The following WASHC4 variants were observed in gnomAD, a reference collection of about 807,000 sequenced individuals.
WASHC4 encodes WASH complex subunit 4, also known as WASH complex subunit 7.
Under a neutral mutation model 166.6 loss-of-function variants are expected in WASHC4, and 86 were observed. The observed-to-expected ratio is 0.52, with a 90% CI of 0.43 to 0.62. WASHC4 has a LOEUF of 0.62. Among genes scored for constraint, WASHC4 ranks in the 20% least tolerant of loss-of-function variants. WASHC4 has a pLI of 0.00. For synonymous variants in WASHC4, 446 were observed against 451.6 expected, an observed-to-expected ratio of 0.99 and a Z score of 0.16; for missense variants, 1,262 against 1,382.4, an observed-to-expected ratio of 0.91 and a Z score of 1.38.
At chr12:105,163,577 C>G (rs1247284019) in intron 30 of WASHC4, among the ~76,000 whole-genome samples, 3 of 152,084 alleles carry the variant, frequency 2.0e-5, no homozygotes, top group African/African-American at 7.2e-5. Flanking sequence ...TCATGGTTCA[C>G]TGCAGCCTCG....
At chr12:105,158,917 T>G (rs1884327474) in intron 28 of WASHC4, among the ~76,000 whole-genome samples, 1 of 152,192 alleles carries the variant, frequency 6.6e-6, no homozygotes, top group Non-Finnish European at 1.5e-5. Flanking sequence ...ATACTATATT[T>G]TAACTTTTTG....
intron 24 of WASHC4, chr12:105,148,819 C>T (rs1332636789): frequency 5.1e-6 from 5 of 985,074 alleles, no homozygotes; most frequent in Non-Finnish European, 6.0e-6. Flanking sequence ...TAATCTTATG[C>T]TATTTCTGCC....
intron 25 of WASHC4, 76 bp downstream of exon 25, chr12:105,149,825 A>G: frequency 7.2e-7 from 1 of 1,390,676 alleles, no homozygotes; most frequent in Non-Finnish European, 9.8e-7. Context: ...AAAATTCATT[A>G]TTTAGATCTC....
intron 1 of WASHC4, among the ~76,000 whole-genome samples, chr12:105,109,004 C>A (rs146801529): frequency 3.4e-4 from 52 of 152,188 alleles, no homozygotes; most frequent in African/African-American, 1.1e-3. Context: ...GGCTTGGTGG[C>A]GAGCGCCTGT....
chr12:105,148,651 GT>G, intron 24 of WASHC4: 1 of 985,284 alleles, frequency 1.0e-6, no homozygotes, highest in Non-Finnish European at 1.2e-6. Context: ...AGAGTACAAT[GT>G]TTAAGCTACA....
intron 6 of WASHC4, among the ~76,000 whole-genome samples, chr12:105,116,014 A>T (rs1880144443): frequency 6.6e-6 from 1 of 152,172 alleles, no homozygotes; most frequent in Admixed American, 6.5e-5. Flanking sequence ...ACTGGAAAAG[A>T]TAAATTGTAT....
Position 105,164,436 on chromosome 12 carries a change from GA to G in WASHC4, c.3354+130del, listed in dbSNP as rs1884685434. ...CAAGTGAGATGAATAGTGGCAAAAA[GA>G]TTATATTTTAAAATGAGTGCTATTT... On this transcript the variant is annotated intron_variant, in intron 31 of 32. Transcript: ENST00000332180. 4.4e-6 allele frequency: 4 copies of G among 913,270 alleles called. No individual in the cohort carries two copies. The Admixed American group carries it at 8.4e-5, about 19-fold the overall frequency. The allele number at this position is 913,270 out of a possible 1,614,324, so 56.6% of individuals were successfully genotyped here.
Position 105,156,778 on chromosome 12 carries a change from C to T in WASHC4, c.2811C>T (p.Ser937=). ...TAAGATCTGGTGGTCTTCATTGTAGCAGCAATGCCATTAGGTATGGATGCA... is the reference window on the plus strand; with the variant it reads ...TAAGATCTGGTGGTCTTCATTGTAGTAGCAATGCCATTAGGTATGGATGCA... ...RMIRSGGLHC[S]SNAIRFVPDL... is the part of the protein sequence containing the mutation. Residue 937 remains serine (S), a synonymous_variant, in exon 27 of 33, where the codon AGC becomes AGT. Coordinates refer to ENST00000332180, the MANE Select transcript of WASHC4 (RefSeq NM_015275.3). 6.2e-7 allele frequency: 1 copy of T among 1,612,054 alleles called. No individual in the cohort carries two copies. Among genetic ancestry groups the T allele is most frequent in the Non-Finnish European group, 8.5e-7 (1 of 1,178,676 alleles).
At chr12:105,116,738 T>C (rs1438473513) in intron 6 of WASHC4, among the ~76,000 whole-genome samples, 2 of 152,194 alleles carry the variant, frequency 1.3e-5, no homozygotes, top group East Asian at 3.8e-4. Flanking sequence ...CAATAAAATG[T>C]ATTTAAATAA....
intron 4 of WASHC4, 49 bp from the exon 5 acceptor site, chr12:105,115,135 G>T: frequency 1.0e-6 from 1 of 982,626 alleles, no homozygotes; most frequent in Non-Finnish European, 1.6e-6. Context: ...ATAGGAATTT[G>T]GAAACAAAAC....
In WASHC4 at chr12:105,107,793, C is replaced by G; in HGVS notation, c.-8C>G. 6.5e-7 allele frequency: 1 copy of G among 1,550,064 alleles called. No individual in the cohort carries two copies. Among genetic ancestry groups the G allele is most frequent in the Non-Finnish European group, 8.7e-7 (1 of 1,145,822 alleles). On this transcript the variant is annotated 5_prime_UTR_variant, in exon 1 of 33. Transcript: ENST00000332180. ...GTTGGGGCTGTGTCTGTGGGAGGCG[C>G]CGGGGTGATGGCGGTGGAGACTCTG...
intron 16 of WASHC4, 135 bp downstream of exon 16, chr12:105,140,536 A>G (rs1432004575): frequency 1.4e-5 from 10 of 705,478 alleles, no homozygotes; most frequent in Middle Eastern, 3.3e-4. Flanking sequence ...ATTTATCTCC[A>G]TAGTATTTTA....
intron 6 of WASHC4, 33 bp downstream of exon 6, chr12:105,115,761 C>T: frequency 7.2e-7 from 1 of 1,394,182 alleles, no homozygotes; most frequent in Non-Finnish European, 1.0e-6. Context: ...TGAGCTTTTA[C>T]TTCAAAAAGT....
At chr12:105,120,629 G>T in intron 8 of WASHC4, 32 bp downstream of exon 8, 1 of 1,473,122 alleles carries the variant, frequency 6.8e-7, no homozygotes, top group Non-Finnish European at 9.5e-7. Context: ...CTGTAAAACT[G>T]TAATTATTAC....
chr12:105,162,923 T>A, intron 30 of WASHC4, 78 bp downstream of exon 30: 1 of 738,614 alleles, frequency 1.4e-6, no homozygotes, highest in Non-Finnish European at 2.3e-6. Flanking sequence ...TGCTTGAGAA[T>A]AGGTCTATAT....
intron 13 of WASHC4, among the ~76,000 whole-genome samples, chr12:105,132,460 C>T (rs1881923461): frequency 6.6e-6 from 1 of 152,228 alleles, no homozygotes; most frequent in South Asian, 2.1e-4. Flanking sequence ...GTGTGAGCCA[C>T]CATGCCCGGC....
chr12:105,108,171 G>T (rs1368832007), intron 1 of WASHC4, among the ~76,000 whole-genome samples: 1 of 152,158 alleles, frequency 6.6e-6, no homozygotes, highest in African/African-American at 2.4e-5. Flanking sequence ...GGGCGCGCCC[G>T]GGAGGCCCAG....
intron 25 of WASHC4, among the ~76,000 whole-genome samples, chr12:105,150,910 A>G (rs1025366510): frequency 6.6e-6 from 1 of 152,134 alleles, no homozygotes; most frequent in Non-Finnish European, 1.5e-5. Context: ...CTAACTCACT[A>G]TCATGAGAAC....
chr12:105,125,154 C>T (rs188711829), intron 10 of WASHC4, among the ~76,000 whole-genome samples: 20 of 152,102 alleles, frequency 1.3e-4, no homozygotes, highest in Admixed American at 2.0e-4. Flanking sequence ...AGTTTTTAAC[C>T]GATTGATCTC....
Sources: gnomAD v4.1 joint callset for allele counts (sites outside exome capture counted in the v4.1 genomes callset) on GRCh38, gnomAD v4.1.1 for gene constraint, MANE v1.5 for transcripts, NCBI Gene and HGNC (gene_info 2026-07-23, HGNC 2026-07-21) for gene names.